Variants in CYB5A observed in about 807,000 individuals in gnomAD.
CYB5A encodes the protein cytochrome b5 type A.
CYB5A carries 10 observed loss-of-function variants against 16.2 expected under a neutral mutation model. The observed-to-expected ratio is 0.62, with a 90% CI of 0.38 to 1.04. The LOEUF (loss-of-function observed/expected upper bound fraction) is 1.04, where lower values mean the gene tolerates loss of function less well. CYB5A is among the 50% of genes least tolerant of loss of function. The pLI, the probability that CYB5A is intolerant of heterozygous loss-of-function variation, is 0.01. For missense variants in CYB5A, 161 were observed against 165.9 expected, an observed-to-expected ratio of 0.97 and a Z score of 0.16; for synonymous variants, 62 against 57.0, an observed-to-expected ratio of 1.09 and a Z score of -0.40.
rs139961673 is a variant in CYB5A, at chr18:74,273,376, A to C, written c.130-9899T>G. ...ATAAAAGAGTTTAAAAAGGAAGAAA[A>C]TACTGTTCTTACAAACTTGGTAAAT... On this transcript the variant is annotated intron_variant, in intron 1 of 4. Transcript: ENST00000340533. Among the ~76,000 whole-genome samples the C allele has an allele frequency of 6.7e-3, 1,022 of 152,334 alleles. 11 individuals carry two copies. The highest frequency in any genetic ancestry group is 0.011 in the Non-Finnish European group (725 of 68,032).
chr18:74,258,271 A>T (rs1982066739), intron 3 of CYB5A: 1 of 152,230 alleles, frequency 6.6e-6, no homozygotes, highest in Admixed American at 6.5e-5. Flanking sequence ...GGCAGGTCTA[A>T]CATGGAGACA....
intron 1 of CYB5A, among the ~76,000 whole-genome samples, chr18:74,291,401 C>T (rs139342574): frequency 9.0e-6 from 1 of 111,160 alleles, no homozygotes; most frequent in South Asian, 2.9e-4. Context: ...GGTGTACACG[C>T]GCAGGTGTGC....
chr18:74,262,639 TA>T (rs1274289073), intron 2 of CYB5A, among the ~76,000 whole-genome samples: 2 of 152,176 alleles, frequency 1.3e-5, no homozygotes, highest in African/African-American at 4.8e-5. Context: ...TTATATTTTT[TA>T]AATCATTTTT....
At chr18:74,291,333 C>T (rs57951724) in intron 1 of CYB5A, among the ~76,000 whole-genome samples, 64,705 of 152,078 alleles carry the variant, frequency 0.43, 15,967 homozygotes, top group African/African-American at 0.69. Flanking sequence ...AGGATGCCGC[C>T]GCGCAGGGCG....
At position 74,286,177 on chromosome 18, in the gene CYB5A, G is replaced by C. The variant is rs141448620; in HGVS notation, c.129+5570C>G. On this transcript the variant is annotated intron_variant, in intron 1 of 4. Transcript: ENST00000340533. ...CAAACTGCTCAAGCTGGCCACCTTCGGGGAGCAGAGCTCCAGGCAGCTTTG... is the reference window on the plus strand; with the variant it reads ...CAAACTGCTCAAGCTGGCCACCTTCCGGGAGCAGAGCTCCAGGCAGCTTTG... Among the ~76,000 whole-genome samples, 489 of 152,324 alleles carry C rather than the reference G, an allele frequency of 3.2e-3. 3 individuals carry two copies. The highest frequency in any genetic ancestry group is 4.3e-3 in the Non-Finnish European group (290 of 68,036).
chr18:74,280,118 T>C (rs562766851), intron 1 of CYB5A, among the ~76,000 whole-genome samples: 2 of 152,094 alleles, frequency 1.3e-5, no homozygotes, highest in African/African-American at 4.8e-5. Flanking sequence ...GGTGATAGTG[T>C]TGAGGTGATA....
chr18:74,274,804 A>T (rs1982803530), intron 1 of CYB5A, among the ~76,000 whole-genome samples: 1 of 152,230 alleles, frequency 6.6e-6, no homozygotes, highest in Non-Finnish European at 1.5e-5. Context: ...CTTAACTCCT[A>T]AATTTGCTAC....
intron 1 of CYB5A, among the ~76,000 whole-genome samples, chr18:74,284,103 T>C (rs141332608): frequency 2.6e-5 from 4 of 152,104 alleles, no homozygotes; most frequent in African/African-American, 7.2e-5. Flanking sequence ...TGGTGGTGCA[T>C]GCCTGTAATC....
rs1174652690 is a variant in CYB5A, at chr18:74,251,334, A to G, written c.*2250T>C. ...GAGACATTGATCAATATATGTAAGA[A>G]GTACATTGGTTCTGTTTGGAAAGGC... On this transcript the variant is annotated 3_prime_UTR_variant, in exon 5 of 5. Coordinates refer to ENST00000340533, the MANE Select transcript of CYB5A (RefSeq NM_148923.4). 2 of 152,684 alleles carry G rather than the reference A, an allele frequency of 1.3e-5. No homozygotes were observed. Among genetic ancestry groups the G allele is most frequent in the Non-Finnish European group, 2.9e-5 (2 of 68,180 alleles). 9.5% of individuals were successfully genotyped at this position (152,684 alleles called of 1,614,324 possible). A position where few individuals can be genotyped will look rare whatever the true frequency, so the allele number is the denominator to read the frequency against.
At chr18:74,274,984 TTGCATATATTGC>T (rs1982811422) in intron 1 of CYB5A, among the ~76,000 whole-genome samples, 1 of 152,342 alleles carries the variant, frequency 6.6e-6, no homozygotes, top group African/African-American at 2.4e-5. Flanking sequence ...CTTTTGTCCC[TTGCATATATTGC>T]TGCTGGGATC....
intron 1 of CYB5A, among the ~76,000 whole-genome samples, chr18:74,268,367 AC>A (rs1372319280): frequency 6.6e-6 from 1 of 152,078 alleles, no homozygotes; most frequent in African/African-American, 2.4e-5. Context: ...GGGGCGGGGA[AC>A]AGCGAATTCA....
intron 2 of CYB5A, 121 bp from the exon 3 acceptor site, chr18:74,261,065 ATT>A: frequency 1.3e-6 from 1 of 785,138 alleles, no homozygotes; most frequent in Non-Finnish European, 2.2e-6. Flanking sequence ...CAGATTCAAC[ATT>A]TAGCTATTAA....
rs780130050 is a variant in CYB5A at position 74,291,862 on chromosome 18, G to A, written c.14C>T (p.Ser5Leu). ...GGTGTAGTACTTCACGGCCTCGTCC[G>A]ACTGCTCTGCCATCTCGGTTCGCCG... The part of the protein sequence containing the change: MAEQ[S>L]DEAVKYYTLE... Residue 5 changes from serine to leucine, a missense_variant, in exon 1 of 5, where the codon TCG (serine) becomes TTG (leucine). Physicochemically the swap from Ser to Leu is moderately radical, Grantham distance 145. Coordinates refer to ENST00000340533, the MANE Select transcript of CYB5A (RefSeq NM_148923.4). 3.0e-5 allele frequency: 48 copies of A among 1,612,890 alleles called. No individual in the cohort carries two copies. In the East Asian group the frequency reaches 1.0e-3, roughly 34 times the overall value.
chr18:74,256,619 C>T, intron 3 of CYB5A: 1 of 571,960 alleles, frequency 1.7e-6, no homozygotes, highest in Admixed American at 3.2e-5. Context: ...TCCACACCAA[C>T]ATAAGCATTA....
At chr18:74,276,733 G>A (rs1177211897) in intron 1 of CYB5A, among the ~76,000 whole-genome samples, 26 of 152,226 alleles carry the variant, frequency 1.7e-4, no homozygotes, top group Non-Finnish European at 1.0e-4. Flanking sequence ...AACGCAGGCC[G>A]CCTGACTCCA....
At chr18:74,264,179 C>G (rs1436510371) in intron 1 of CYB5A, among the ~76,000 whole-genome samples, 5 of 149,570 alleles carry the variant, frequency 3.3e-5, no homozygotes, top group Admixed American at 3.3e-4. Context: ...CCACTGCACT[C>G]CAGCCTAGGC....
chr18:74,276,630 C>T (rs1454584146), intron 1 of CYB5A, among the ~76,000 whole-genome samples: 3 of 151,682 alleles, frequency 2.0e-5, no homozygotes, highest in East Asian at 2.0e-4. Flanking sequence ...GTATGCAAAA[C>T]GACACTACAA....
At chr18:74,270,236 C>T (rs1982618743) in intron 1 of CYB5A, among the ~76,000 whole-genome samples, 1 of 152,018 alleles carries the variant, frequency 6.6e-6, no homozygotes, top group Non-Finnish European at 1.5e-5. Context: ...GTTAACACCT[C>T]AGAGCCCTCC....
chr18:74,258,509 C>T (rs1982075165), intron 3 of CYB5A: 1 of 152,178 alleles, frequency 6.6e-6, no homozygotes, highest in African/African-American at 2.4e-5. Context: ...TTTCACTATT[C>T]AACTAGATAT....
Sources: allele counts gnomAD v4.1 joint callset (sites outside exome capture counted in the v4.1 genomes callset), GRCh38; gene constraint gnomAD v4.1.1; transcripts MANE v1.5; gene names NCBI Gene and HGNC (gene_info 2026-07-23, HGNC 2026-07-21).